Variants in MCTP1 observed in about 807,000 individuals in gnomAD.
MCTP1 encodes the protein multiple C2 and transmembrane domain-containing protein 1.
MCTP1 carries 69 observed loss-of-function variants against 120.6 expected under a neutral mutation model. The observed-to-expected ratio is 0.57, with a 90% CI of 0.47 to 0.70. MCTP1 has a LOEUF of 0.70. MCTP1 is among the 30% of genes least tolerant of loss of function. MCTP1 has a pLI of 0.00. For synonymous variants in MCTP1, 529 were observed against 493.1 expected (o/e 1.07, Z -0.96); for missense variants, 1,203 against 1,248.8 (o/e 0.96, Z 0.55).
chr5:95,020,495 T>C (rs1837995890), intron 1 of MCTP1, among the ~76,000 whole-genome samples: 1 of 152,076 alleles, frequency 6.6e-6, no homozygotes, highest in South Asian at 2.1e-4. Flanking sequence ...AAATGGCATA[T>C]AGAACAGTTT....
chr5:95,247,938 G>C (rs967765186), intron 1 of MCTP1, among the ~76,000 whole-genome samples: 34 of 152,032 alleles, frequency 2.2e-4, no homozygotes, highest in African/African-American at 7.7e-4. Context: ...TCAAGTCCTG[G>C]ATATCCTTGT....
intron 1 of MCTP1, among the ~76,000 whole-genome samples, chr5:95,259,637 G>A (rs1758273648): frequency 1.3e-5 from 2 of 152,138 alleles, no homozygotes; most frequent in Non-Finnish European, 2.9e-5. Context: ...TGGGTATGCA[G>A]ATCCTACGAG....
At chr5:94,724,411 AAT>A (rs1491358124) in intron 19 of MCTP1, among the ~76,000 whole-genome samples, 4 of 65,750 alleles carry the variant, frequency 6.1e-5, no homozygotes, top group Non-Finnish European at 1.1e-4. Context: ...ACGTCTGGCT[AAT>A]TTTTTTTTTT....
At chr5:95,222,552 C>T (rs1453999389) in intron 1 of MCTP1, among the ~76,000 whole-genome samples, 1 of 152,202 alleles carries the variant, frequency 6.6e-6, no homozygotes, top group East Asian at 1.9e-4. Context: ...AACAAAATTT[C>T]CTAATTTTTC....
At chr5:95,041,152 A>C (rs547772603) in intron 1 of MCTP1, among the ~76,000 whole-genome samples, 1 of 152,182 alleles carries the variant, frequency 6.6e-6, no homozygotes, top group African/African-American at 2.4e-5. Flanking sequence ...ATTTTGTCTG[A>C]ATTGTTTCAC....
At chr5:94,801,615 C>T (rs1196415191) in intron 17 of MCTP1, among the ~76,000 whole-genome samples, 1 of 152,200 alleles carries the variant, frequency 6.6e-6, no homozygotes, top group Non-Finnish European at 1.5e-5. Context: ...CTCAGATTAT[C>T]CCATTGCTAA....
At chr5:95,065,159 A>T (rs1021661010) in intron 1 of MCTP1, among the ~76,000 whole-genome samples, 6 of 151,802 alleles carry the variant, frequency 4.0e-5, no homozygotes, top group African/African-American at 1.5e-4. Flanking sequence ...TAATTAATTA[A>T]TTATTAAGAA....
intron 1 of MCTP1, among the ~76,000 whole-genome samples, chr5:95,225,101 T>C (rs1754113223): frequency 6.6e-6 from 1 of 152,138 alleles, no homozygotes; most frequent in Admixed American, 6.6e-5. Flanking sequence ...AAATTTCTCA[T>C]CATTTCTCAG....
chr5:94,760,128 T>G lies in MCTP1; in HGVS notation c.2610+18982A>C, dbSNP rs562352826. Among the ~76,000 whole-genome samples, 9 of 152,256 alleles carry G rather than the reference T, an allele frequency of 5.9e-5. No homozygotes were observed. The South Asian group carries it at 1.9e-3, about 32-fold the overall frequency. On this transcript the variant is annotated intron_variant, in intron 19 of 22. Transcript: ENST00000515393. ...TCTAGAGATAAGCCAACCTGTAGTA[T>G]TAGATTTCCACTGACATAATTGTGC...
intron 18 of MCTP1, among the ~76,000 whole-genome samples, chr5:94,798,100 G>GT (rs1171281114): frequency 4.7e-5 from 3 of 63,280 alleles, no homozygotes; most frequent in African/African-American, 1.3e-4. Context: ...ATCCTTGATG[G>GT]TAAAAAAAAA....
rs1354790190 is a variant in MCTP1 at position 94,954,018 on chromosome 5, A to ATG, written c.839-658_839-657insCA. 3.8e-5 allele frequency among the ~76,000 whole-genome samples: 3 copies of ATG among 78,610 alleles called. No homozygotes were observed. In the South Asian group the frequency reaches 1.1e-3, roughly 29 times the overall value. The allele number at this position is 78,610 out of a possible 152,430, so 51.6% of individuals were successfully genotyped here. A position where few individuals can be genotyped will look rare whatever the true frequency, so the allele number is the denominator to read the frequency against. On this transcript the variant is annotated intron_variant, in intron 2 of 22. Coordinates refer to ENST00000515393, the MANE Select transcript of MCTP1 (RefSeq NM_024717.7). The stretch of plus-strand genomic sequence containing the variant: ...TATATATGCATATATATACAAATAT[A>ATG]TATGCATATATATACAAATATATAT...
At chr5:95,166,847 G>A (rs1351355739) in intron 1 of MCTP1, among the ~76,000 whole-genome samples, 5 of 151,726 alleles carry the variant, frequency 3.3e-5, no homozygotes, top group South Asian at 2.1e-4. Context: ...GATTACAGGC[G>A]TGAGCCACTG....
intron 1 of MCTP1, among the ~76,000 whole-genome samples, chr5:95,086,917 A>G (rs1439890510): frequency 6.6e-6 from 1 of 152,218 alleles, no homozygotes; most frequent in African/African-American, 2.4e-5. Context: ...ACCTCATGGT[A>G]AGTACATTTG....
intron 19 of MCTP1, among the ~76,000 whole-genome samples, chr5:94,772,505 G>A (rs1203683305): frequency 6.6e-6 from 1 of 152,100 alleles, no homozygotes; most frequent in Non-Finnish European, 1.5e-5. Flanking sequence ...CCTATTTTAA[G>A]GTCAGATGAT....
chr5:94,706,282 G>A lies in MCTP1; in HGVS notation c.*1214C>T, dbSNP rs908554249. The A allele has an allele frequency of 1.3e-5, 2 of 151,606 alleles. No individual in the cohort carries two copies. The highest frequency in any genetic ancestry group is 3.0e-5 in the Non-Finnish European group (2 of 67,754). 9.4% of individuals were successfully genotyped at this position (151,606 alleles called of 1,614,324 possible). ...TTTTCTCCAGAGTTATGCTCCCTTAGTATACCAGGGAGTGAGATATAAAAA... is the reference window on the plus strand; with the variant it reads ...TTTTCTCCAGAGTTATGCTCCCTTAATATACCAGGGAGTGAGATATAAAAA... On this transcript the variant is annotated 3_prime_UTR_variant, in exon 23 of 23. Coordinates refer to ENST00000515393, the MANE Select transcript of MCTP1 (RefSeq NM_024717.7).
At chr5:94,746,460 A>T (rs1219173299) in intron 19 of MCTP1, among the ~76,000 whole-genome samples, 3 of 152,240 alleles carry the variant, frequency 2.0e-5, no homozygotes, top group Admixed American at 1.3e-4. Context: ...ATGCTCTTTA[A>T]GTAGTTACAG....
intron 1 of MCTP1, among the ~76,000 whole-genome samples, chr5:95,224,030 C>T (rs144868671): frequency 2.6e-5 from 4 of 152,220 alleles, no homozygotes; most frequent in Admixed American, 2.6e-4. Context: ...CAGGAAACCC[C>T]ATGCCAACTT....
chr5:94,980,170 T>A (rs1026451395), intron 2 of MCTP1, among the ~76,000 whole-genome samples: 1 of 152,168 alleles, frequency 6.6e-6, no homozygotes, highest in African/African-American at 2.4e-5. Flanking sequence ...CCAGATATAT[T>A]TTAGATAAAT....
intron 1 of MCTP1, among the ~76,000 whole-genome samples, chr5:95,183,625 C>T (rs1297561355): frequency 3.3e-5 from 5 of 151,842 alleles, no homozygotes; most frequent in African/African-American, 9.7e-5. Flanking sequence ...AAGAAAAAGA[C>T]AAACTACTGA....
Sources: allele counts gnomAD v4.1 joint callset (sites outside exome capture counted in the v4.1 genomes callset), GRCh38; gene constraint gnomAD v4.1.1; transcripts MANE v1.5; gene names NCBI Gene and HGNC (gene_info 2026-07-23, HGNC 2026-07-21).